Variants in GTF2I observed in about 807,000 individuals in gnomAD.
GTF2I encodes the protein general transcription factor II-I.
A neutral mutation model predicts 67.6 loss-of-function variants in GTF2I; 12 were observed. The observed-to-expected ratio is 0.18, with a 90% CI of 0.11 to 0.29. The LOEUF (loss-of-function observed/expected upper bound fraction) is 0.29. GTF2I is among the 10% of genes least tolerant of loss of function. GTF2I has a pLI of 1.00. For missense variants in GTF2I, 271 were observed against 580.1 expected (o/e 0.47, Z 5.47); for synonymous variants, 149 against 197.0 (o/e 0.76, Z 2.04).
In GTF2I at chr7:74,714,922, A is replaced by T. The variant is rs1554403343; in HGVS notation, c.823+6A>T. On this transcript the variant is annotated splice_donor_region_variant and intron_variant, in intron 10 of 34. Coordinates refer to ENST00000573035, the MANE Select transcript of GTF2I (RefSeq NM_032999.4). ...CCTATCGAAGCCTTTGCAAGGTATA[A>T]TCTTTTCACTTCCATTCTCCCACAT... 1.3e-6 allele frequency: 2 copies of T among 1,575,100 alleles called. No individual in the cohort carries two copies. The highest frequency in any genetic ancestry group is 1.7e-6 in the Non-Finnish European group (2 of 1,150,836).
intron 16 of GTF2I, 148 bp from the exon 17 acceptor site, chr7:74,735,313 G>C: frequency 1.4e-5 from 1 of 71,550 alleles, no homozygotes; most frequent in South Asian, 5.7e-5. Context: ...ACAGGTGTGA[G>C]CCATTGCACC....
In GTF2I at chr7:74,657,736, G is replaced by A. The variant is rs1422477828; in HGVS notation, c.-338G>A. 6.7e-5 allele frequency: 10 copies of A among 149,626 alleles called. No homozygotes were observed. Among genetic ancestry groups the A allele is most frequent in the African/African-American group, 2.5e-4 (10 of 40,740 alleles). 9.3% of individuals were successfully genotyped at this position (149,626 alleles called of 1,614,324 possible). A position where few individuals can be genotyped will look rare whatever the true frequency, so the allele number is the denominator to read the frequency against. On this transcript the variant is annotated 5_prime_UTR_variant, in exon 1 of 35. Transcript: ENST00000573035. ...GGAGGGTGAGAGAGAAGCTGGGAGA[G>A]CAGAGAAAAGGGGCCACCGGTCGCC...
At chr7:74,711,169 TG>T in intron 9 of GTF2I, 60 bp downstream of exon 9, 2 of 725,652 alleles carry the variant, frequency 2.8e-6, no homozygotes, top group Non-Finnish European at 4.6e-6. Context: ...AATTAAAATT[TG>T]CTCATCAATT....
intron 1 of GTF2I, among the ~76,000 whole-genome samples, chr7:74,673,951 T>G (rs963017870): frequency 2.0e-5 from 3 of 151,982 alleles, no homozygotes; most frequent in Non-Finnish European, 4.4e-5. Context: ...AGTGCTGGGA[T>G]TACAAGCGTG....
chr7:74,743,344 CAAAA>C lies in GTF2I; in HGVS notation c.1679-102_1679-99del, dbSNP rs1268634179. ...TCTCAAAAAAATAAAACAAAACAAA[CAAAA>C]AAGAATCACTGCAAACAAGAGTACT... On this transcript the variant is annotated intron_variant, in intron 19 of 34. Coordinates refer to ENST00000573035, the MANE Select transcript of GTF2I (RefSeq NM_032999.4). 4 of 305,650 alleles carry C rather than the reference CAAAA, an allele frequency of 1.3e-5. No individual in the cohort carries two copies. The African/African-American group carries it at 1.5e-4, about 11-fold the overall frequency. The allele number at this position is 305,650 out of a possible 1,614,324, so 18.9% of individuals were successfully genotyped here.
Position 74,700,411 on chromosome 7 carries a change from A to G in GTF2I, c.538A>G (p.Ile180Val). ...LKWILENKAG[I>V]SFIIKRPFLE... is the part of the protein sequence containing the mutation. ...ATGGATTTTGGAGAACAAAGCAGGG[A>G]TTTCATTCATCATTAAGAGGTGAAG... Residue 180 changes from isoleucine to valine, a missense_variant, in exon 5 of 35, where the codon ATT (isoleucine) becomes GTT (valine). Ile to Val is a conservative substitution (Grantham distance 29). Transcript: ENST00000573035. 6.2e-7 allele frequency: 1 copy of G among 1,614,060 alleles called. No homozygotes were observed. Among genetic ancestry groups the G allele is most frequent in the South Asian group, 1.1e-5 (1 of 91,074 alleles).
chr7:74,659,952 T>C (rs587614367), intron 1 of GTF2I, among the ~76,000 whole-genome samples: 1 of 152,252 alleles, frequency 6.6e-6, no homozygotes, highest in Non-Finnish European at 1.5e-5. Flanking sequence ...AGTTTGCAAA[T>C]GAGAACGTGC....
chr7:74,692,468 A>G (rs759094335), intron 3 of GTF2I, among the ~76,000 whole-genome samples: 11 of 151,898 alleles, frequency 7.2e-5, no homozygotes, highest in Non-Finnish European at 1.0e-4. Context: ...GTTCTCCTCC[A>G]CTCCCTCACA....
At chr7:74,667,899 T>C (rs782176316) in intron 1 of GTF2I, among the ~76,000 whole-genome samples, 101 of 151,404 alleles carry the variant, frequency 6.7e-4, no homozygotes, top group Non-Finnish European at 1.3e-3. Flanking sequence ...AGGGGCATGA[T>C]CTCGGCTCAT....
chr7:74,662,981 T>C (rs1192680321), intron 1 of GTF2I, among the ~76,000 whole-genome samples: 1 of 152,140 alleles, frequency 6.6e-6, no homozygotes, highest in Non-Finnish European at 1.5e-5. Flanking sequence ...GCCACTGTCC[T>C]ATGTTCTGGC....
intron 1 of GTF2I, among the ~76,000 whole-genome samples, chr7:74,659,474 C>G (rs1161021735): frequency 2.6e-5 from 4 of 151,848 alleles, no homozygotes; most frequent in African/African-American, 9.7e-5. Context: ...ACTGCAACCT[C>G]TGCCTCCCGG....
At chr7:74,700,574 A>T (rs782043969) in intron 5 of GTF2I, 32 bp from the exon 6 acceptor site, 1 of 1,611,912 alleles carries the variant, frequency 6.2e-7, no homozygotes, top group South Asian at 1.1e-5. Flanking sequence ...GCGTATTCAT[A>T]CGAAGTTTTG....
chr7:74,749,862 T>G (rs1288502687), intron 26 of GTF2I, among the ~76,000 whole-genome samples: 4 of 116,592 alleles, frequency 3.4e-5, no homozygotes, highest in Admixed American at 1.1e-4. Flanking sequence ...CACTCCAGCC[T>G]GGGCAGCAAG....
chr7:74,659,849 C>G (rs1554385608), intron 1 of GTF2I, among the ~76,000 whole-genome samples: 1 of 152,164 alleles, frequency 6.6e-6, no homozygotes, highest in African/African-American at 2.4e-5. Flanking sequence ...GGCCTCATCT[C>G]TTTTAAATTC....
intron 2 of GTF2I, among the ~76,000 whole-genome samples, chr7:74,689,796 A>G (rs1332151493): frequency 3.3e-5 from 5 of 151,878 alleles, no homozygotes; most frequent in Non-Finnish European, 7.4e-5. Context: ...GCTCCCTGCA[A>G]CCTCTGCCCC....
chr7:74,700,713 T>TTTA (rs1427223694), intron 6 of GTF2I, 79 bp downstream of exon 6: 1 of 1,299,602 alleles, frequency 7.7e-7, no homozygotes, highest in Non-Finnish European at 1.1e-6. Flanking sequence ...TGGTTTCTGT[T>TTTA]TTATTGTCTT....
In GTF2I at chr7:74,708,572, G is replaced by A. The variant is rs587609688; in HGVS notation, c.685+2139G>A. On this transcript the variant is annotated intron_variant, in intron 8 of 34. Coordinates refer to ENST00000573035, the MANE Select transcript of GTF2I (RefSeq NM_032999.4). Reference sequence around the variant, plus strand: ...AGGGCCTGCTTTGGCCAGGCTGAACGAGGGTACCAAGGAGTGACCTTTTTG... The same window carrying A: ...AGGGCCTGCTTTGGCCAGGCTGAACAAGGGTACCAAGGAGTGACCTTTTTG... Among the ~76,000 whole-genome samples the A allele has an allele frequency of 5.1e-4, 78 of 152,270 alleles. 2 individuals carry two copies. Among genetic ancestry groups the A allele is most frequent in the Middle Eastern group, 3.4e-3 (1 of 294 alleles).
At chr7:74,717,111 A>T in intron 11 of GTF2I, 161 bp downstream of exon 11, 1 of 936,278 alleles carries the variant, frequency 1.1e-6, no homozygotes, top group Non-Finnish European at 1.5e-6. Context: ...AAATTCTAAG[A>T]TGTAATATAC....
At chr7:74,721,589 TC>T (rs1345101797) in intron 12 of GTF2I, among the ~76,000 whole-genome samples, 2 of 152,042 alleles carry the variant, frequency 1.3e-5, no homozygotes, top group East Asian at 3.9e-4. Flanking sequence ...ACAATTAAAT[TC>T]CTCATTTTTT....
Sources: gnomAD v4.1 joint callset for allele counts (sites outside exome capture counted in the v4.1 genomes callset) on GRCh38, gnomAD v4.1.1 for gene constraint, MANE v1.5 for transcripts, NCBI Gene and HGNC (gene_info 2026-07-23, HGNC 2026-07-21) for gene names.